CAGE1: variants seen among roughly 807,000 people sequenced by gnomAD.
The protein encoded by CAGE1 is cancer-associated gene 1 protein.
Under a neutral mutation model 94.9 loss-of-function variants are expected in CAGE1, and 66 were observed. That is an observed-to-expected ratio of 0.70 (90% confidence interval 0.57 to 0.85). The LOEUF (loss-of-function observed/expected upper bound fraction) is 0.85. Ranked by LOEUF, CAGE1 falls within the 40% of genes least tolerant of loss-of-function variation. CAGE1 has a pLI of 0.00. For missense variants in CAGE1, 865 were observed against 950.4 expected (o/e 0.91, Z 1.18); for synonymous variants, 319 against 321.0 (o/e 0.99, Z 0.07).
At chr6:7,360,821 C>T (rs1453090582) in intron 9 of CAGE1, among the ~76,000 whole-genome samples, 1 of 152,046 alleles carries the variant, frequency 6.6e-6, no homozygotes, top group Non-Finnish European at 1.5e-5. Context: ...GTAGTGCACG[C>T]CTGTATTCTC....
At chr6:7,328,465 G>C (rs1246036381) in intron 13 of CAGE1, among the ~76,000 whole-genome samples, 1 of 152,156 alleles carries the variant, frequency 6.6e-6, no homozygotes, top group Non-Finnish European at 1.5e-5. Context: ...TGTGAGGTGG[G>C]AACTGAGTAA....
intron 11 of CAGE1, among the ~76,000 whole-genome samples, chr6:7,345,140 A>AT (rs1253336527): frequency 1.2e-4 from 5 of 42,106 alleles, no homozygotes; most frequent in East Asian, 1.7e-3. Flanking sequence ...TATTGCTTTT[A>AT]GGAGCTAGGT....
chr6:7,344,925 A>G (rs1217440723), intron 11 of CAGE1, among the ~76,000 whole-genome samples: 1 of 152,192 alleles, frequency 6.6e-6, no homozygotes, highest in Non-Finnish European at 1.5e-5. Context: ...CTTTGCGCCT[A>G]GCTCAGGGAT....
chr6:7,345,262 T>TA (rs1759420174), intron 11 of CAGE1, among the ~76,000 whole-genome samples: 1 of 152,236 alleles, frequency 6.6e-6, no homozygotes, highest in Admixed American at 6.5e-5. Flanking sequence ...CCAGACACGC[T>TA]ACCTTAAGAG....
At position 7,331,592 on chromosome 6, in the gene CAGE1, C is replaced by A. The variant is rs917516552; in HGVS notation, c.2439-1704G>T. 16 of 326,752 alleles carry A rather than the reference C, an allele frequency of 4.9e-5. No individual in the cohort carries two copies. The East Asian group carries it at 1.2e-3, about 25-fold the overall frequency. 20.2% of individuals were successfully genotyped at this position (326,752 alleles called of 1,614,324 possible). ...TGGGCCCCATTAAATACCACAGAGCCCTCTCCAGGTCTGTATGCAACTCTA... is the reference window on the plus strand; with the variant it reads ...TGGGCCCCATTAAATACCACAGAGCACTCTCCAGGTCTGTATGCAACTCTA... On this transcript the variant is annotated intron_variant, in intron 12 of 13. Coordinates refer to ENST00000502583, the MANE Select transcript of CAGE1 (RefSeq NM_001170692.2).
At chr6:7,343,979 G>C (rs991492036) in intron 11 of CAGE1, among the ~76,000 whole-genome samples, 1 of 152,224 alleles carries the variant, frequency 6.6e-6, no homozygotes, top group African/African-American at 2.4e-5. Context: ...ATGTTGTTTG[G>C]AGCAGGAACT....
intron 11 of CAGE1, among the ~76,000 whole-genome samples, chr6:7,345,754 T>A (rs1759475181): frequency 1.3e-5 from 2 of 151,696 alleles, no homozygotes; most frequent in African/African-American, 4.8e-5. Context: ...AAACCCCGTC[T>A]CTACTAAAAA....
rs1315295461 is a variant in CAGE1, at chr6:7,373,811, C to A, written c.1008G>T (p.Arg336Ser). 1 of 1,613,772 alleles carries A rather than the reference C, an allele frequency of 6.2e-7. No homozygotes were observed. The highest frequency in any genetic ancestry group is 1.7e-5 in the Admixed American group (1 of 59,990). The change falls in exon 5 of 14, where the codon AGG becomes AGT. Residue 336 changes from arginine to serine, a missense_variant. Transcript: ENST00000502583. ...LQCSNLYLEK[R>S]VKELQMKITK... Reference sequence around the variant, plus strand: ...TAATCTTCATCTGTAGTTCTTTAACCCTCTTCTCTAAATACAGGTTACTAC... The same window carrying A: ...TAATCTTCATCTGTAGTTCTTTAACACTCTTCTCTAAATACAGGTTACTAC...
chr6:7,369,623 A>G (rs1253614191), intron 6 of CAGE1, among the ~76,000 whole-genome samples: 3 of 152,210 alleles, frequency 2.0e-5, no homozygotes, highest in African/African-American at 7.2e-5. Context: ...AGAGCACAAG[A>G]CTACTGATCT....
chr6:7,337,720 T>C lies in CAGE1; in HGVS notation c.2370-3630A>G, dbSNP rs889707427. Among the ~76,000 whole-genome samples the C allele has an allele frequency of 3.3e-5, 5 of 152,350 alleles. No individual in the cohort carries two copies. In the East Asian group the frequency reaches 5.8e-4, roughly 18 times the overall value. ...CCCTGGTCTGTTCCATTGATTTTTA[T>C]ATTTTTACACCAATGCTACACTGTT... On this transcript the variant is annotated intron_variant, in intron 11 of 13. Coordinates refer to ENST00000502583, the MANE Select transcript of CAGE1 (RefSeq NM_001170692.2).
rs574460085 is a variant in CAGE1, at chr6:7,343,198, A to AAAAAAAAAAG, written c.2370-9109_2370-9108insCTTTTTTTTT. Among the ~76,000 whole-genome samples, 364 of 137,340 alleles carry AAAAAAAAAAG rather than the reference A, an allele frequency of 2.7e-3. 2 individuals carry two copies. The highest frequency in any genetic ancestry group is 3.9e-3 in the Non-Finnish European group (258 of 65,830). 90.1% of individuals were successfully genotyped at this position (137,340 alleles called of 152,430 possible). On this transcript the variant is annotated intron_variant, in intron 11 of 13. Transcript: ENST00000502583. ...TGCGAGACTCTGTCCCACAAAAAAA[A>AAAAAAAAAAG]AAAAGAAAAGAAAAGAAAAGAAAAA...
Position 7,389,232 on chromosome 6 carries a change from T to G in CAGE1, c.-54A>C, listed in dbSNP as rs2113488652. ...TAAAAAGCACTTATCTCATTCATTT[T>G]TCACCTCAAAACGAGACACCAAACT... On this transcript the variant is annotated 5_prime_UTR_variant, in exon 1 of 14. Coordinates refer to ENST00000502583, the MANE Select transcript of CAGE1 (RefSeq NM_001170692.2). 1 of 456,260 alleles carries G rather than the reference T, an allele frequency of 2.2e-6. No individual in the cohort carries two copies. Among genetic ancestry groups the G allele is most frequent in the African/African-American group, 2.0e-5 (1 of 50,214 alleles). The allele number at this position is 456,260 out of a possible 1,614,324, so 28.3% of individuals were successfully genotyped here. A position where few individuals can be genotyped will look rare whatever the true frequency, so the allele number is the denominator to read the frequency against.
rs751195086 is a variant in CAGE1, at chr6:7,373,301, T to C, written c.1518A>G (p.Lys506=). 6.8e-6 allele frequency: 11 copies of C among 1,606,548 alleles called. No homozygotes were observed. In the Middle Eastern group the frequency reaches 8.2e-4, roughly 120 times the overall value. The change falls in exon 5 of 14, where the codon AAA becomes AAG. Residue 506 remains lysine (K), a synonymous_variant. Coordinates refer to ENST00000502583, the MANE Select transcript of CAGE1 (RefSeq NM_001170692.2). Reference sequence around the variant, plus strand: ...GAGTGAGCAATTTCTCAAGTCTAGATTTCAGTTTCTGTCTTTCTTCCAGGT... The same window carrying C: ...GAGTGAGCAATTTCTCAAGTCTAGACTTCAGTTTCTGTCTTTCTTCCAGGT... ...KENLEERQKL[K]SRLEKLLTQV... is the part of the protein sequence containing the mutation.
In CAGE1 at chr6:7,339,615, T is replaced by C. The variant is rs535432497; in HGVS notation, c.2370-5525A>G. ...AAGGAAAGGCACTGTATCATTCTTA[T>C]GCCTTTGTGTCCTCATAGCTTAGCT... On this transcript the variant is annotated intron_variant, in intron 11 of 13. Transcript: ENST00000502583. The surrounding 1 kb of genome is among the most constrained non-coding windows in gnomAD (Gnocchi z 4.7). 4.4e-5 allele frequency: 30 copies of C among 680,756 alleles called. No individual in the cohort carries two copies. In the East Asian group the frequency reaches 5.5e-4, roughly 13 times the overall value. 42.2% of individuals were successfully genotyped at this position (680,756 alleles called of 1,614,324 possible). A position where few individuals can be genotyped will look rare whatever the true frequency, so the allele number is the denominator to read the frequency against.
chr6:7,328,933 TA>T lies in CAGE1; in HGVS notation c.2478+915del, dbSNP rs1396135334. ...GTGTGTGTGTGTATATATATATATA[TA>T]TTTTTTTTTTTTTTTGAGATAGAGT... On this transcript the variant is annotated intron_variant, in intron 13 of 13. Transcript: ENST00000502583. 5.5e-3 allele frequency among the ~76,000 whole-genome samples: 448 copies of T among 80,728 alleles called. 17 individuals carry two copies. Among genetic ancestry groups the T allele is most frequent in the South Asian group, 0.015 (36 of 2,448 alleles). The allele number at this position is 80,728 out of a possible 152,430, so 53.0% of individuals were successfully genotyped here. A position where few individuals can be genotyped will look rare whatever the true frequency, so the allele number is the denominator to read the frequency against.
chr6:7,350,498 C>T (rs1187919523), intron 11 of CAGE1, among the ~76,000 whole-genome samples: 1 of 152,038 alleles, frequency 6.6e-6, no homozygotes, highest in Non-Finnish European at 1.5e-5. Context: ...CAAAATAGAC[C>T]ATATCATAGG....
At chr6:7,328,923 TATA>T (rs1431456868) in intron 13 of CAGE1, among the ~76,000 whole-genome samples, 1 of 67,528 alleles carries the variant, frequency 1.5e-5, no homozygotes, top group Non-Finnish European at 3.3e-5. Flanking sequence ...TGTGTGTATA[TATA>T]TATATATATT....
chr6:7,329,787 G>T (rs1581651371), intron 13 of CAGE1, 62 bp downstream of exon 13: 2 of 801,712 alleles, frequency 2.5e-6, no homozygotes, highest in Admixed American at 2.3e-5. Context: ...ATTAAATCTT[G>T]TGTTATTGTC....
chr6:7,389,453 G>A lies in CAGE1; in HGVS notation c.-275C>T. 1 of 406,752 alleles carries A rather than the reference G, an allele frequency of 2.5e-6. No individual in the cohort carries two copies. Among genetic ancestry groups the A allele is most frequent in the Non-Finnish European group, 4.9e-6 (1 of 202,806 alleles). 25.2% of individuals were successfully genotyped at this position (406,752 alleles called of 1,614,324 possible). A position where few individuals can be genotyped will look rare whatever the true frequency, so the allele number is the denominator to read the frequency against. On this transcript the variant is annotated 5_prime_UTR_variant, in exon 1 of 14. Coordinates refer to ENST00000502583, the MANE Select transcript of CAGE1 (RefSeq NM_001170692.2). ...ACGCCCCTGTGTGACGTCCGCCCGCGCCGGGGGAACTCCGCAGAGACAGGT... is the reference window on the plus strand; with the variant it reads ...ACGCCCCTGTGTGACGTCCGCCCGCACCGGGGGAACTCCGCAGAGACAGGT...
Sources: allele counts gnomAD v4.1 joint callset (sites outside exome capture counted in the v4.1 genomes callset), GRCh38; gene constraint gnomAD v4.1.1; non-coding constraint Gnocchi (gnomAD v3.1); transcripts MANE v1.5; gene names NCBI Gene and HGNC (gene_info 2026-07-23, HGNC 2026-07-21).